Variants in BET1 observed in about 807,000 individuals in gnomAD.
BET1 encodes BET1 homolog.
In BET1, 9 loss-of-function variants were observed where a neutral mutation model predicts 13.9. The observed-to-expected ratio is 0.65, with a 90% CI of 0.39 to 1.13. The LOEUF (loss-of-function observed/expected upper bound fraction) is 1.13. BET1 is among the 50% of genes most tolerant of loss of function. BET1 has a pLI of 0.01. For synonymous variants in BET1, 39 were observed against 47.3 expected (o/e 0.82, Z 0.72); for missense variants, 127 against 133.6 (o/e 0.95, Z 0.24).
downstream of BET1, among the ~76,000 whole-genome samples, chr7:93,990,083 AT>A (rs1004175682): frequency 2.6e-5 from 4 of 151,900 alleles, no homozygotes; most frequent in African/African-American, 7.2e-5. Context: ...ATTTTAAATA[AT>A]TTTGAAATAA....
chr7:93,979,753 A>G (rs1427992662), intron 4 of BET1, among the ~76,000 whole-genome samples: 4 of 151,168 alleles, frequency 2.6e-5, no homozygotes, highest in African/African-American at 9.8e-5. Context: ...AAAGGACTGG[A>G]TCATATATCC....
At chr7:93,966,029 G>A (rs893730553) in intron 6 of BET1, among the ~76,000 whole-genome samples, 3 of 151,860 alleles carry the variant, frequency 2.0e-5, no homozygotes, top group African/African-American at 4.8e-5. Context: ...AAAAATGAAG[G>A]CATTTTTTAA....
At chr7:93,979,113 G>T (rs956221187) in intron 4 of BET1, among the ~76,000 whole-genome samples, 1 of 152,112 alleles carries the variant, frequency 6.6e-6, no homozygotes, top group Non-Finnish European at 1.5e-5. Flanking sequence ...GTATCCAATT[G>T]GTCAAGTCTG....
intron 6 of BET1, among the ~76,000 whole-genome samples, chr7:93,966,396 A>G (rs1795173305): frequency 6.6e-6 from 1 of 152,046 alleles, no homozygotes; most frequent in Admixed American, 6.6e-5. Flanking sequence ...ATGAATTTGA[A>G]CAATATTTAA....
intron 4 of BET1, among the ~76,000 whole-genome samples, chr7:93,983,469 T>C (rs1161337629): frequency 3.3e-5 from 5 of 152,164 alleles, no homozygotes; most frequent in Non-Finnish European, 7.3e-5. Context: ...AATTCCTCTG[T>C]GTTTAAGGAC....
At chr7:93,980,474 G>A (rs1432928864) in intron 4 of BET1, among the ~76,000 whole-genome samples, 2 of 152,072 alleles carry the variant, frequency 1.3e-5, no homozygotes, top group Non-Finnish European at 2.9e-5. Flanking sequence ...ATTCAAGGGT[G>A]GTTCAACATA....
intron 4 of BET1, among the ~76,000 whole-genome samples, chr7:93,986,627 C>T (rs1795532816): frequency 6.6e-6 from 1 of 152,160 alleles, no homozygotes; most frequent in Non-Finnish European, 1.5e-5. Context: ...ACATTGTGGG[C>T]TAAGTGGATT....
intron 6 of BET1, among the ~76,000 whole-genome samples, chr7:93,971,733 A>G (rs545799291): frequency 4.6e-5 from 7 of 151,900 alleles, no homozygotes; most frequent in African/African-American, 9.6e-5. Context: ...AATAAATTAC[A>G]TAGTTATTAT....
intron 6 of BET1, among the ~76,000 whole-genome samples, chr7:93,970,914 C>G (rs1414836702): frequency 1.3e-5 from 2 of 151,700 alleles, no homozygotes; most frequent in South Asian, 2.1e-4. Context: ...ACATAGAAAT[C>G]TTGGAAAAGA....
chr7:93,974,920 T>C (rs1457150687), intron 5 of BET1, among the ~76,000 whole-genome samples: 3 of 152,102 alleles, frequency 2.0e-5, no homozygotes, highest in Non-Finnish European at 4.4e-5. Flanking sequence ...ATTAGATACA[T>C]TGACATCATA....
At chr7:93,966,511 T>G (rs1382864792) in intron 6 of BET1, among the ~76,000 whole-genome samples, 4 of 151,944 alleles carry the variant, frequency 2.6e-5, no homozygotes, top group Non-Finnish European at 4.4e-5. Context: ...TCATGCCATT[T>G]CCTTTTCTAG....
chr7:93,976,280 T>C (rs1795334491), intron 4 of BET1, among the ~76,000 whole-genome samples: 1 of 152,080 alleles, frequency 6.6e-6, no homozygotes, highest in Non-Finnish European at 1.5e-5. Flanking sequence ...TTATCCTGCT[T>C]CCCTCCAACC....
intron 6 of BET1, among the ~76,000 whole-genome samples, chr7:93,970,887 G>T (rs1328765239): frequency 6.6e-6 from 1 of 151,726 alleles, no homozygotes; most frequent in African/African-American, 2.4e-5. Context: ...TAGCTAGATG[G>T]TAAATTGTCA....
downstream of BET1, among the ~76,000 whole-genome samples, chr7:93,990,023 T>A (rs1050338272): frequency 6.6e-6 from 1 of 152,236 alleles, no homozygotes; most frequent in South Asian, 2.1e-4. Context: ...TTTGGACTCC[T>A]TGAAATTGTC....
At position 93,981,482 on chromosome 7, in the gene BET1, G is replaced by T. The variant is rs1795425843; in HGVS notation, c.236-5382C>A. Reference sequence around the variant, plus strand: ...CCACACTTCCTGAAAAACAAAGCCTGATTCAAAAGCTTATTGGGAAGTAAA... The same window carrying T: ...CCACACTTCCTGAAAAACAAAGCCTTATTCAAAAGCTTATTGGGAAGTAAA... On this transcript the variant is annotated intron_variant and NMD_transcript_variant, in intron 4 of 6. Coordinates refer to the BET1 transcript ENST00000357520. Among the ~76,000 whole-genome samples, 2 of 152,102 alleles carry T rather than the reference G, an allele frequency of 1.3e-5. 1 individual carries two copies. Among genetic ancestry groups the T allele is most frequent in the South Asian group, 4.1e-4 (2 of 4,824 alleles).
chr7:94,004,280 G>A lies in BET1; in HGVS notation c.-64C>T, dbSNP rs1386180717. ...TTGGGTGAGTAGGAAACAGCTAGGG[G>A]CGACCCGGACCGCGTCTTCAGTACC... On this transcript the variant is annotated 5_prime_UTR_variant, in exon 1 of 4. Coordinates refer to ENST00000222547, the MANE Select transcript of BET1 (RefSeq NM_005868.6). 1.2e-6 allele frequency: 2 copies of A among 1,610,410 alleles called. No homozygotes were observed. The highest frequency in any genetic ancestry group is 1.7e-6 in the Non-Finnish European group (2 of 1,176,904).
At chr7:94,002,874 C>T (rs182185187) in intron 1 of BET1, among the ~76,000 whole-genome samples, 5 of 152,334 alleles carry the variant, frequency 3.3e-5, no homozygotes, top group African/African-American at 9.6e-5. Flanking sequence ...TATGTCTCCA[C>T]CAAATACACA....
chr7:93,993,518 T>G lies in BET1; in HGVS notation c.*712A>C. 1.0e-6 allele frequency: 1 copy of G among 995,310 alleles called. No individual in the cohort carries two copies. Among genetic ancestry groups the G allele is most frequent in the African/African-American group, 1.7e-5 (1 of 57,934 alleles). The allele number at this position is 995,310 out of a possible 1,614,324, so 61.7% of individuals were successfully genotyped here. A position where few individuals can be genotyped will look rare whatever the true frequency, so the allele number is the denominator to read the frequency against. On this transcript the variant is annotated 3_prime_UTR_variant, in exon 4 of 4. Transcript: ENST00000222547. ...TCACAAATGATAAATGTGCTACCTA[T>G]GTAGTAAAAATCATAAAACTATTAT...
Position 93,993,543 on chromosome 7 carries a change from T to C in BET1, c.*687A>G, listed in dbSNP as rs1226514605. 4 of 1,019,548 alleles carry C rather than the reference T, an allele frequency of 3.9e-6. No individual in the cohort carries two copies. Among genetic ancestry groups the C allele is most frequent in the African/African-American group, 3.4e-5 (2 of 58,756 alleles). 63.2% of individuals were successfully genotyped at this position (1,019,548 alleles called of 1,614,324 possible). On this transcript the variant is annotated 3_prime_UTR_variant, in exon 4 of 4. Coordinates refer to ENST00000222547, the MANE Select transcript of BET1 (RefSeq NM_005868.6). Reference sequence around the variant, plus strand: ...TGTAGTAAAAATCATAAAACTATTATAAGCCAAGTCAAGAGAATTCATAAA... The same window carrying C: ...TGTAGTAAAAATCATAAAACTATTACAAGCCAAGTCAAGAGAATTCATAAA...
Sources: allele counts gnomAD v4.1 joint callset (sites outside exome capture counted in the v4.1 genomes callset), GRCh38; gene constraint gnomAD v4.1.1; transcripts MANE v1.5; gene names NCBI Gene and HGNC (gene_info 2026-07-23, HGNC 2026-07-21).